The following MYT1L variants were observed in gnomAD, a reference collection of about 807,000 sequenced individuals.
MYT1L encodes the protein myelin transcription factor 1-like protein.
A neutral mutation model predicts 126.7 loss-of-function variants in MYT1L; 12 were observed. The ratio of observed to expected loss-of-function variants is 0.09; its 90% CI spans 0.06 to 0.15. The LOEUF (loss-of-function observed/expected upper bound fraction) is 0.15, where lower values mean the gene tolerates loss of function less well. MYT1L is among the 10% of genes least tolerant of loss of function. The pLI is 1.00. For missense variants in MYT1L, 979 were observed against 1,585.2 expected, an observed-to-expected ratio of 0.62 and a Z score of 6.49; for synonymous variants, 541 against 604.2, an observed-to-expected ratio of 0.90 and a Z score of 1.53.
intron 3 of MYT1L, among the ~76,000 whole-genome samples, chr2:2,085,011 C>T (rs930658316): frequency 3.3e-5 from 5 of 152,294 alleles, no homozygotes; most frequent in African/African-American, 1.2e-4. Flanking sequence ...CTAAGCAGCT[C>T]TGCCCACCCT....
At chr2:2,256,054 C>A (rs2094802318) in intron 2 of MYT1L, among the ~76,000 whole-genome samples, 1 of 152,188 alleles carries the variant, frequency 6.6e-6, no homozygotes, top group South Asian at 2.1e-4. Flanking sequence ...GTCCACCTGA[C>A]CTTGCCACAG....
At chr2:2,161,317 A>C (rs1454160730) in intron 3 of MYT1L, among the ~76,000 whole-genome samples, 1 of 152,224 alleles carries the variant, frequency 6.6e-6, no homozygotes, top group Non-Finnish European at 1.5e-5. Context: ...AACTTTTTGT[A>C]ATGTTTGATG....
intron 3 of MYT1L, among the ~76,000 whole-genome samples, chr2:2,159,467 G>C (rs924507084): frequency 1.5e-4 from 23 of 152,082 alleles, no homozygotes; most frequent in African/African-American, 4.8e-4. Flanking sequence ...CACACACCAG[G>C]TGTGGTGTGG....
intron 18 of MYT1L, among the ~76,000 whole-genome samples, chr2:1,861,104 C>G (rs906508404): frequency 6.6e-6 from 1 of 152,148 alleles, no homozygotes; most frequent in Admixed American, 6.5e-5. Context: ...AATCTGAGGA[C>G]CCCGAGGCCC....
chr2:1,932,553 G>A (rs181586929), intron 9 of MYT1L, among the ~76,000 whole-genome samples: 6 of 152,342 alleles, frequency 3.9e-5, no homozygotes, highest in East Asian at 3.9e-4. Flanking sequence ...TGCAGTTGGT[G>A]AAAGAGGTAA....
chr2:1,966,474 C>T (rs960045026), intron 8 of MYT1L, among the ~76,000 whole-genome samples: 16 of 152,296 alleles, frequency 1.1e-4, no homozygotes, highest in African/African-American at 3.6e-4. Flanking sequence ...CAGGTCTGAT[C>T]TTCCTGGAGA....
intron 1 of MYT1L, among the ~76,000 whole-genome samples, chr2:2,296,635 C>T (rs1420314109): frequency 1.3e-5 from 2 of 152,102 alleles, no homozygotes; most frequent in African/African-American, 2.4e-5. Flanking sequence ...GAGAAAGGGG[C>T]GTGTGGGACT....
rs1337311661 is a variant in MYT1L at position 1,789,972 on chromosome 2, T to C, written c.*1895A>G. The C allele has an allele frequency of 2.0e-5, 3 of 152,146 alleles. No homozygotes were observed. Among genetic ancestry groups the C allele is most frequent in the African/African-American group, 7.2e-5 (3 of 41,436 alleles). The allele number at this position is 152,146 out of a possible 1,614,324, so 9.4% of individuals were successfully genotyped here. On this transcript the variant is annotated 3_prime_UTR_variant, in exon 25 of 25. Transcript: ENST00000647738. ...TGGGATATACATATATTTATACACA[T>C]ATATATATACCGAGGTTGAGTATTG... is the stretch of plus-strand genomic sequence containing the variant.
At chr2:2,159,486 C>T (rs2087434541) in intron 3 of MYT1L, among the ~76,000 whole-genome samples, 1 of 151,846 alleles carries the variant, frequency 6.6e-6, no homozygotes, top group Non-Finnish European at 1.5e-5. Context: ...GGGATCTCGC[C>T]TGGCTTTCCT....
At chr2:1,947,202 G>A (rs2057308414) in intron 8 of MYT1L, among the ~76,000 whole-genome samples, 1 of 152,108 alleles carries the variant, frequency 6.6e-6, no homozygotes, top group African/African-American at 2.4e-5. Context: ...GAGGTGACTG[G>A]GGGTAAGGTG....
chr2:1,930,426 T>C (rs2054798245), intron 9 of MYT1L, among the ~76,000 whole-genome samples: 2 of 152,192 alleles, frequency 1.3e-5, no homozygotes, highest in African/African-American at 4.8e-5. Flanking sequence ...TGATTCCACC[T>C]TGATCTCCTT....
At chr2:2,134,345 C>G (rs1276288366) in intron 3 of MYT1L, among the ~76,000 whole-genome samples, 1 of 152,172 alleles carries the variant, frequency 6.6e-6, no homozygotes, top group Non-Finnish European at 1.5e-5. Context: ...GATCTTATTC[C>G]TCCAGTCTGG....
At position 2,133,996 on chromosome 2, in the gene MYT1L, C is replaced by T. The variant is rs191044656; in HGVS notation, c.-304+38876G>A. 1.2e-4 allele frequency among the ~76,000 whole-genome samples: 19 copies of T among 152,312 alleles called. No individual in the cohort carries two copies. In the East Asian group the frequency reaches 2.3e-3, roughly 19 times the overall value. ...TCTTTAGAAACTGCCACTTGATCCCCCAGCCATTTTCACCTCTTCTAGTCC... is the reference window on the plus strand; with the variant it reads ...TCTTTAGAAACTGCCACTTGATCCCTCAGCCATTTTCACCTCTTCTAGTCC... On this transcript the variant is annotated intron_variant, in intron 3 of 24. Transcript: ENST00000647738.
intron 18 of MYT1L, among the ~76,000 whole-genome samples, chr2:1,876,751 T>A (rs1446358033): frequency 6.6e-6 from 1 of 152,204 alleles, no homozygotes; most frequent in Admixed American, 6.5e-5. Context: ...AACGTCTCAC[T>A]CAGGACAGAA....
intron 1 of MYT1L, among the ~76,000 whole-genome samples, chr2:2,296,438 A>G (rs1357071683): frequency 6.6e-6 from 1 of 152,176 alleles, no homozygotes; most frequent in Non-Finnish European, 1.5e-5. Context: ...CCTTTTATTC[A>G]AGAAATTAAA....
At chr2:2,293,583 TC>T (rs2095630902) in intron 1 of MYT1L, among the ~76,000 whole-genome samples, 1 of 151,788 alleles carries the variant, frequency 6.6e-6, no homozygotes, top group Non-Finnish European at 1.5e-5. Flanking sequence ...CCTCAGGGGG[TC>T]CCCGGGGAAC....
intron 21 of MYT1L, chr2:1,817,129 T>C (rs908384402): frequency 6.6e-6 from 1 of 152,248 alleles, no homozygotes; most frequent in East Asian, 1.9e-4. Context: ...ATTACAAAGT[T>C]CCTTATTAAG....
At chr2:2,025,989 T>C (rs2065510425) in intron 4 of MYT1L, among the ~76,000 whole-genome samples, 1 of 152,210 alleles carries the variant, frequency 6.6e-6, no homozygotes, top group Non-Finnish European at 1.5e-5. Context: ...CAAGTTCTCC[T>C]CCTAATCGGT....
intron 2 of MYT1L, among the ~76,000 whole-genome samples, chr2:2,194,560 A>T (rs1433961935): frequency 6.6e-6 from 1 of 152,130 alleles, no homozygotes; most frequent in Non-Finnish European, 1.5e-5. Context: ...GGCTGTGTGT[A>T]CATGCCCACT....
Sources: gnomAD v4.1 joint callset for allele counts (sites outside exome capture counted in the v4.1 genomes callset) on GRCh38, gnomAD v4.1.1 for gene constraint, MANE v1.5 for transcripts, NCBI Gene and HGNC (gene_info 2026-07-23, HGNC 2026-07-21) for gene names.